The following PRR16 variants were observed in gnomAD, a reference collection of about 807,000 sequenced individuals.
PRR16 encodes protein Largen.
Under a neutral mutation model 18.2 loss-of-function variants are expected in PRR16, and 6 were observed. The ratio of observed to expected loss-of-function variants is 0.33; its 90% CI spans 0.18 to 0.65. PRR16 has a LOEUF of 0.65. PRR16 is among the 30% of genes least tolerant of loss of function. The pLI is 0.74. For synonymous variants in PRR16, 151 were observed against 147.8 expected (o/e 1.02, Z -0.16); for missense variants, 412 against 376.6 (o/e 1.09, Z -0.78).
chr5:120,540,528 C>G (rs114816449), intron 1 of PRR16, among the ~76,000 whole-genome samples: 2 of 152,148 alleles, frequency 1.3e-5, no homozygotes, highest in East Asian at 1.9e-4. Context: ...GCCTTGTATA[C>G]TGTCCCTTGA....
intron 1 of PRR16, among the ~76,000 whole-genome samples, chr5:120,629,915 A>G (rs1754998899): frequency 1.3e-5 from 2 of 152,022 alleles, no homozygotes; most frequent in Admixed American, 6.6e-5. Flanking sequence ...TATCAGCACA[A>G]TTTCATTAAT....
intron 1 of PRR16, among the ~76,000 whole-genome samples, chr5:120,564,829 A>G (rs1392867511): frequency 2.0e-5 from 3 of 151,986 alleles, no homozygotes; most frequent in African/African-American, 7.3e-5. Context: ...TACTAAAAAT[A>G]CAAAAAATCA....
At chr5:120,526,649 C>T (rs1432997827) in intron 1 of PRR16, among the ~76,000 whole-genome samples, 2 of 152,154 alleles carry the variant, frequency 1.3e-5, no homozygotes, top group African/African-American at 2.4e-5. Context: ...ATAATATTGT[C>T]TGGAAGTGCA....
At chr5:120,464,694 C>T (rs1308303634) in intron 1 of PRR16, 49 bp downstream of exon 1, 8 of 1,460,042 alleles carry the variant, frequency 5.5e-6, no homozygotes, top group African/African-American at 1.4e-5. Context: ...TCGACCCCTC[C>T]GGGGTCCCCT....
At chr5:120,765,360 A>C in the PRR16 span, among the ~76,000 whole-genome samples, 1 of 151,988 alleles carries the variant, frequency 6.6e-6, no homozygotes, top group Non-Finnish European at 1.5e-5. Context: ...TACGTGTATA[A>C]ATAACAGTTG....
At chr5:120,735,351 G>A in the PRR16 span, among the ~76,000 whole-genome samples, 2 of 152,064 alleles carry the variant, frequency 1.3e-5, no homozygotes, top group African/African-American at 4.8e-5. Context: ...TCAAGATTCT[G>A]CTTTCAATAC....
chr5:120,620,994 G>A (rs781707355), intron 1 of PRR16, among the ~76,000 whole-genome samples: 17 of 152,104 alleles, frequency 1.1e-4, no homozygotes, highest in Admixed American at 5.2e-4. Context: ...CTCTATGTCA[G>A]TAAATCACTC....
chr5:120,602,270 T>C (rs1477166569), intron 1 of PRR16, among the ~76,000 whole-genome samples: 1 of 152,096 alleles, frequency 6.6e-6, no homozygotes, highest in Non-Finnish European at 1.5e-5. Flanking sequence ...GTAGTACAGA[T>C]CTTTCACTTC....
intron 1 of PRR16, among the ~76,000 whole-genome samples, chr5:120,664,085 G>A (rs1259455920): frequency 6.6e-6 from 1 of 152,076 alleles, no homozygotes. Context: ...GATCACCTGA[G>A]GTCATGAGTT....
At chr5:120,707,819 A>G in the PRR16 span, among the ~76,000 whole-genome samples, 1 of 152,232 alleles carries the variant, frequency 6.6e-6, no homozygotes, top group Non-Finnish European at 1.5e-5. Context: ...AGGGAAACAC[A>G]GTATGAAAAA....
chr5:120,488,238 T>C (rs1402538321), intron 1 of PRR16, among the ~76,000 whole-genome samples: 2 of 152,210 alleles, frequency 1.3e-5, no homozygotes, highest in Admixed American at 1.3e-4. Flanking sequence ...AGCTCCTCCT[T>C]GTACCTCTGG....
At chr5:120,549,947 T>C (rs1272782180) in intron 1 of PRR16, among the ~76,000 whole-genome samples, 1 of 151,954 alleles carries the variant, frequency 6.6e-6, no homozygotes, top group African/African-American at 2.4e-5. Flanking sequence ...GTAACTCTCA[T>C]AAACATGGTA....
chr5:120,711,184 C>A, the PRR16 span, among the ~76,000 whole-genome samples: 1 of 152,150 alleles, frequency 6.6e-6, no homozygotes. Flanking sequence ...TTTATTTCAT[C>A]TGCAATTTTA....
the PRR16 span, among the ~76,000 whole-genome samples, chr5:120,734,985 G>T: frequency 6.6e-6 from 1 of 152,134 alleles, no homozygotes; most frequent in Admixed American, 6.5e-5. Context: ...ATTTTGGGAA[G>T]CTGAAACTAT....
chr5:120,585,485 G>C (rs1051452138), intron 1 of PRR16, among the ~76,000 whole-genome samples: 5 of 151,794 alleles, frequency 3.3e-5, no homozygotes, highest in African/African-American at 1.2e-4. Context: ...ACAGGCAAGG[G>C]GGCAAGTGCC....
chr5:120,698,518 C>CCGGCAGTGTA, the PRR16 span, among the ~76,000 whole-genome samples: 4 of 134,926 alleles, frequency 3.0e-5, no homozygotes, highest in African/African-American at 5.7e-5. Context: ...ACAGTGTAAA[C>CCGGCAGTGTA]AAGAGCAGGG....
At chr5:120,755,973 C>T in the PRR16 span, among the ~76,000 whole-genome samples, 2 of 152,000 alleles carry the variant, frequency 1.3e-5, no homozygotes, top group Admixed American at 6.6e-5. Flanking sequence ...TAGTGGTTTC[C>T]CATTGGTTAC....
intron 1 of PRR16, among the ~76,000 whole-genome samples, chr5:120,633,305 C>T (rs1299937104): frequency 6.6e-6 from 1 of 152,006 alleles, no homozygotes; most frequent in African/African-American, 2.4e-5. Flanking sequence ...AACAATAACA[C>T]AATGAAAAAG....
intron 1 of PRR16, among the ~76,000 whole-genome samples, chr5:120,567,711 T>C (rs1179509400): frequency 6.6e-6 from 1 of 152,192 alleles, no homozygotes; most frequent in African/African-American, 2.4e-5. Context: ...TGTCTCCTGC[T>C]ACCATGCGAA....
Sources: allele counts gnomAD v4.1 joint callset (sites outside exome capture counted in the v4.1 genomes callset), GRCh38; gene constraint gnomAD v4.1.1; transcripts MANE v1.5; gene names NCBI Gene and HGNC (gene_info 2026-07-23, HGNC 2026-07-21).